Variants in ADIPOR2 observed in about 807,000 individuals in gnomAD.
ADIPOR2 encodes the protein adiponectin receptor 2, also known as adiponectin receptor protein 2.
ADIPOR2 carries 18 observed loss-of-function variants against 40.9 expected under a neutral mutation model. The observed-to-expected ratio is 0.44, with a 90% confidence interval of 0.30 to 0.65. The LOEUF is 0.65. Ranked by LOEUF, ADIPOR2 falls within the 30% of genes least tolerant of loss-of-function variation. ADIPOR2 has a pLI of 0.09. For missense variants in ADIPOR2, 283 were observed against 479.2 expected (o/e 0.59, Z 3.82); for synonymous variants, 165 against 166.4 (o/e 0.99, Z 0.06).
At chr12:1,761,856 A>G (rs1226936235) in intron 2 of ADIPOR2, among the ~76,000 whole-genome samples, 4 of 152,208 alleles carry the variant, frequency 2.6e-5, no homozygotes, top group Non-Finnish European at 5.9e-5. Flanking sequence ...CACAGTTCCT[A>G]GAGAGAGCTC....
intron 1 of ADIPOR2, among the ~76,000 whole-genome samples, chr12:1,714,110 G>A (rs1046381347): frequency 5.9e-5 from 9 of 152,072 alleles, no homozygotes; most frequent in African/African-American, 1.9e-4. Flanking sequence ...GTGGACATGG[G>A]CGAGGGGGCA....
chr12:1,712,954 A>C (rs2094680546), intron 1 of ADIPOR2, among the ~76,000 whole-genome samples: 1 of 152,110 alleles, frequency 6.6e-6, no homozygotes, highest in African/African-American at 2.4e-5. Flanking sequence ...AAAGTTCAAG[A>C]GATCTCGAGT....
chr12:1,767,377 A>G (rs924794753), intron 2 of ADIPOR2, among the ~76,000 whole-genome samples: 5 of 151,972 alleles, frequency 3.3e-5, no homozygotes, highest in Admixed American at 6.5e-5. Context: ...AAGTCAGAGT[A>G]TATATATTTC....
At chr12:1,744,378 G>C (rs566704354) in intron 1 of ADIPOR2, among the ~76,000 whole-genome samples, 1 of 151,674 alleles carries the variant, frequency 6.6e-6, no homozygotes, top group East Asian at 1.9e-4. Flanking sequence ...TGCTGGGATT[G>C]CAGGTGTGAG....
intron 2 of ADIPOR2, chr12:1,760,758 A>G (rs1011856934): frequency 1.3e-5 from 2 of 152,252 alleles, no homozygotes; most frequent in Non-Finnish European, 2.9e-5. Flanking sequence ...CCATGGGTCA[A>G]CTGAGATCTG....
chr12:1,706,352 C>A (rs2094662494), intron 1 of ADIPOR2, among the ~76,000 whole-genome samples: 2 of 152,028 alleles, frequency 1.3e-5, no homozygotes, highest in South Asian at 4.1e-4. Flanking sequence ...TGGTAATAAG[C>A]AATATTATGC....
intron 1 of ADIPOR2, among the ~76,000 whole-genome samples, chr12:1,692,908 A>G (rs1555164732): frequency 6.6e-6 from 1 of 152,168 alleles, no homozygotes; most frequent in Non-Finnish European, 1.5e-5. Flanking sequence ...TAATCCCAGC[A>G]CTTTGGGAGG....
chr12:1,692,560 A>G (rs1483956116), intron 1 of ADIPOR2, among the ~76,000 whole-genome samples: 3 of 152,198 alleles, frequency 2.0e-5, no homozygotes, highest in East Asian at 3.8e-4. Context: ...GTTCCTATCT[A>G]GACTTTGGTC....
intron 1 of ADIPOR2, among the ~76,000 whole-genome samples, chr12:1,709,867 T>C (rs530197570): frequency 1.7e-4 from 26 of 152,350 alleles, no homozygotes; most frequent in African/African-American, 6.0e-4. Flanking sequence ...TATTTTTGTT[T>C]GTGTATACCG....
chr12:1,754,690 TTATTATTATTAC>T (rs1443883708), intron 2 of ADIPOR2, among the ~76,000 whole-genome samples, 176 bp downstream of exon 2: 4 of 65,046 alleles, frequency 6.1e-5, no homozygotes, highest in African/African-American at 1.1e-4. Context: ...CTTATCTTTA[TTATTATTATTAC>T]TACTACTACT....
chr12:1,769,056 C>T (rs765243255), intron 2 of ADIPOR2, among the ~76,000 whole-genome samples: 1 of 152,126 alleles, frequency 6.6e-6, no homozygotes, highest in Non-Finnish European at 1.5e-5. Context: ...TGTATGTGAT[C>T]ATTGAATATA....
intron 2 of ADIPOR2, among the ~76,000 whole-genome samples, chr12:1,765,678 C>G (rs1001358356): frequency 2.0e-5 from 3 of 152,146 alleles, no homozygotes; most frequent in African/African-American, 7.2e-5. Flanking sequence ...TTTCAACAGC[C>G]TTTTCATAAA....
chr12:1,762,820 C>G (rs1862298664), intron 2 of ADIPOR2, among the ~76,000 whole-genome samples: 1 of 152,258 alleles, frequency 6.6e-6, no homozygotes, highest in Non-Finnish European at 1.5e-5. Context: ...CACTGGGACT[C>G]TTGTCATGGG....
chr12:1,731,503 C>G (rs1466511587), intron 1 of ADIPOR2, among the ~76,000 whole-genome samples: 4 of 152,186 alleles, frequency 2.6e-5, no homozygotes, highest in Admixed American at 2.6e-4. Context: ...TATACAATAA[C>G]TCCTCATTGT....
intron 1 of ADIPOR2, among the ~76,000 whole-genome samples, chr12:1,752,589 C>G (rs1415658420): frequency 6.6e-6 from 1 of 152,132 alleles, no homozygotes; most frequent in Non-Finnish European, 1.5e-5. Context: ...TCATGAGGTT[C>G]AGAAACTGGG....
At chr12:1,766,834 C>T (rs565890288) in intron 2 of ADIPOR2, among the ~76,000 whole-genome samples, 1 of 152,322 alleles carries the variant, frequency 6.6e-6, no homozygotes, top group South Asian at 2.1e-4. Flanking sequence ...ATTCAACCTT[C>T]ATATTCTGTT....
chr12:1,717,285 A>G (rs1413730699), intron 1 of ADIPOR2, among the ~76,000 whole-genome samples: 1 of 152,020 alleles, frequency 6.6e-6, no homozygotes, highest in Non-Finnish European at 1.5e-5. Flanking sequence ...TCACTTCTTT[A>G]TTTTCTAGGC....
chr12:1,750,004 A>G (rs1164864881), intron 1 of ADIPOR2, among the ~76,000 whole-genome samples: 1 of 151,582 alleles, frequency 6.6e-6, no homozygotes, highest in Non-Finnish European at 1.5e-5. Context: ...AACTCAGCTA[A>G]CTTTTAATTT....
chr12:1,772,803 C>T (rs1862514336), intron 2 of ADIPOR2, 39 bp from the exon 3 acceptor site: 2 of 1,556,532 alleles, frequency 1.3e-6, no homozygotes, highest in Non-Finnish European at 8.7e-7. Flanking sequence ...ATTTGGCTCC[C>T]AGTCTCTGTC....
Sources: allele counts gnomAD v4.1 joint callset (sites outside exome capture counted in the v4.1 genomes callset), GRCh38; gene constraint gnomAD v4.1.1; transcripts MANE v1.5; gene names NCBI Gene and HGNC (gene_info 2026-07-23, HGNC 2026-07-21).